The following ABCA10 variants were observed in gnomAD, a reference collection of about 807,000 sequenced individuals.
The protein encoded by ABCA10 is ATP-binding cassette sub-family A member 10.
Under a neutral mutation model 187.5 loss-of-function variants are expected in ABCA10, and 169 were observed. The ratio of observed to expected loss-of-function variants is 0.90; its 90% CI spans 0.80 to 1.02. The LOEUF is 1.02. ABCA10 is among the 50% of genes least tolerant of loss of function. The probability of loss-of-function intolerance (pLI) is 0.00; values close to 1 mark genes in which losing one functional copy is unlikely to be tolerated. For synonymous variants in ABCA10, 574 were observed against 601.8 expected, an observed-to-expected ratio of 0.95 and a Z score of 0.68; for missense variants, 1,727 against 1,812.4, an observed-to-expected ratio of 0.95 and a Z score of 0.86.
chr17:69,177,973 A>AATGTTATATATATATATATATATGTT (rs2074348569), intron 22 of ABCA10, among the ~76,000 whole-genome samples: 1 of 49,980 alleles, frequency 2.0e-5, no homozygotes, highest in African/African-American at 6.1e-5. Flanking sequence ...AAAAAAAAAA[A>AATGTTATATATATATATATATATGTT]ATATATATAT....
intron 5 of ABCA10, among the ~76,000 whole-genome samples, chr17:69,221,474 A>C (rs985749258): frequency 2.0e-5 from 3 of 152,334 alleles, no homozygotes; most frequent in Admixed American, 6.5e-5. Context: ...GCAGAGATTG[A>C]AAAGAGGAGA....
Position 69,196,389 on chromosome 17 carries a change from G to C in ABCA10, c.1234+675C>G, listed in dbSNP as rs537654277. Reference sequence around the variant, plus strand: ...TCCCAGACGGGGTCGCGGCCGGGCAGGGGCGCTCCTCACATCCCAGATGAT... The same window carrying C: ...TCCCAGACGGGGTCGCGGCCGGGCACGGGCGCTCCTCACATCCCAGATGAT... On this transcript the variant is annotated intron_variant, in intron 11 of 38. Coordinates refer to ENST00000690296, the MANE Select transcript of ABCA10 (RefSeq NM_001377321.1). The C allele has an allele frequency of 7.8e-5, 14 of 178,694 alleles. No homozygotes were observed. The East Asian group carries it at 2.5e-3, about 32-fold the overall frequency. The allele number at this position is 178,694 out of a possible 1,614,324, so 11.1% of individuals were successfully genotyped here. A position where few individuals can be genotyped will look rare whatever the true frequency, so the allele number is the denominator to read the frequency against.
chr17:69,197,895 T>C (rs2144812599), intron 10 of ABCA10, among the ~76,000 whole-genome samples: 1 of 152,382 alleles, frequency 6.6e-6, no homozygotes, highest in African/African-American at 2.4e-5. Flanking sequence ...ATTCTAATGA[T>C]TCCCAAATTT....
intron 1 of ABCA10, among the ~76,000 whole-genome samples, chr17:69,241,627 G>A (rs910769273): frequency 6.6e-6 from 1 of 152,098 alleles, no homozygotes; most frequent in Admixed American, 6.5e-5. Flanking sequence ...CTTTGTACTT[G>A]CAGTACCAAC....
In ABCA10 at chr17:69,242,638, A is replaced by AT. The variant is rs535719208; in HGVS notation, c.-593+1890dup. Among the ~76,000 whole-genome samples the AT allele has an allele frequency of 5.4e-3, 821 of 152,098 alleles. 5 individuals carry two copies. Among genetic ancestry groups the AT allele is most frequent in the South Asian group, 9.7e-3 (47 of 4,824 alleles). On this transcript the variant is annotated intron_variant, in intron 1 of 39. Coordinates refer to the ABCA10 transcript ENST00000269081. Reference sequence around the variant, plus strand: ...TGCCACCACACCCAGCTAATTTTATATTTTTAGTAGAGACAGGGTTTCACC... The same window carrying AT: ...TGCCACCACACCCAGCTAATTTTATATTTTTTAGTAGAGACAGGGTTTCACC...
In ABCA10 at chr17:69,155,024, T is replaced by C. The variant is rs2074163000; in HGVS notation, c.3689A>G (p.Lys1230Arg). 1.3e-6 allele frequency: 2 copies of C among 1,584,788 alleles called. No individual in the cohort carries two copies. Among genetic ancestry groups the C allele is most frequent in the Non-Finnish European group, 1.7e-6 (2 of 1,156,638 alleles). The stretch of plus-strand genomic sequence containing the variant: ...AAAGGAACAATTGTTCAAACCTTTT[T>C]TAACACAAAAGGAAACATTTCTGAT... ...IAIRNVSFCV[K>R]KGEVLGLLGH... Residue 1230 changes from lysine to arginine, a missense_variant, in exon 30 of 39, where the codon AAA (lysine) becomes AGA (arginine). Transcript: ENST00000690296.
At chr17:69,199,652 T>C (rs1384668406) in intron 10 of ABCA10, among the ~76,000 whole-genome samples, 1 of 152,208 alleles carries the variant, frequency 6.6e-6, no homozygotes, top group Non-Finnish European at 1.5e-5. Flanking sequence ...CATCAACCAC[T>C]TAGGAGACCT....
chr17:69,232,715 C>G (rs1295818026), upstream of ABCA10, among the ~76,000 whole-genome samples: 1 of 152,110 alleles, frequency 6.6e-6, no homozygotes, highest in Admixed American at 6.6e-5. Flanking sequence ...ATTAGAACTC[C>G]CTTCAGCATT....
intron 22 of ABCA10, among the ~76,000 whole-genome samples, chr17:69,177,973 A>ATATATATATATAGATATGTT (rs68149070): frequency 2.0e-5 from 1 of 49,980 alleles, no homozygotes. Context: ...AAAAAAAAAA[A>ATATATATATATAGATATGTT]ATATATATAT....
At chr17:69,191,391 T>A in intron 16 of ABCA10, 76 bp from the exon 17 acceptor site, 2 of 1,363,324 alleles carry the variant, frequency 1.5e-6, no homozygotes, top group South Asian at 4.0e-5. Flanking sequence ...AGTTTTCTAT[T>A]AAACAGCTTA....
chr17:69,153,847 C>A lies in ABCA10; in HGVS notation c.3949G>T (p.Ala1317Ser). The change falls in exon 32 of 39, where the codon GCT becomes TCT. Residue 1317 changes from alanine (A) to serine (S), a missense_variant. By Grantham distance (99) the Ala-to-Ser change is moderately conservative. Coordinates refer to ENST00000690296, the MANE Select transcript of ABCA10 (RefSeq NM_001377321.1). ...TCTCTGTACCGTGAAATACTGAGAG[C>A]AGCATCTTCTTTGCCCAGTCCTTTC... is the stretch of plus-strand genomic sequence containing the variant. ...AVKGLGKEDA[A>S]LSISRLVEAL... 1.2e-6 allele frequency: 2 copies of A among 1,613,396 alleles called. No homozygotes were observed. Among genetic ancestry groups the A allele is most frequent in the Non-Finnish European group, 1.7e-6 (2 of 1,179,658 alleles).
intron 9 of ABCA10, among the ~76,000 whole-genome samples, chr17:69,208,589 A>G (rs1598115856): frequency 1.3e-5 from 2 of 152,136 alleles, no homozygotes; most frequent in South Asian, 4.1e-4. Flanking sequence ...TTTGTCTGCT[A>G]GGTTCCTGGG....
intron 11 of ABCA10, chr17:69,196,355 C>G (rs569787285): frequency 5.7e-6 from 1 of 175,080 alleles, no homozygotes; most frequent in Non-Finnish European, 1.2e-5. Context: ...GGCAGAGACA[C>G]TCCTCAGTTC....
chr17:69,184,260 C>T (rs1379698066), intron 20 of ABCA10, among the ~76,000 whole-genome samples: 3 of 152,118 alleles, frequency 2.0e-5, no homozygotes, highest in East Asian at 1.9e-4. Context: ...TTTCTCCACC[C>T]GCCCTGGTAA....
chr17:69,244,564 G>T (rs1467608172), exon 1 of ABCA10: 1 of 151,582 alleles, frequency 6.6e-6, no homozygotes, highest in Non-Finnish European at 1.5e-5. Flanking sequence ...TTATTCATCT[G>T]AGAATAAATT....
chr17:69,205,168 A>G lies in ABCA10; in HGVS notation c.1007-3500T>C, dbSNP rs367770723. On this transcript the variant is annotated intron_variant, in intron 9 of 38. Transcript: ENST00000690296. ...TAAATTAGATTTAAAAATACGTATT[A>G]TACCCAAATAAAGGTAAGTGAAATT... Among the ~76,000 whole-genome samples, 27 of 152,318 alleles carry G rather than the reference A, an allele frequency of 1.8e-4. 1 individual carries two copies. The South Asian group carries it at 5.0e-3, about 28-fold the overall frequency.
intron 11 of ABCA10, among the ~76,000 whole-genome samples, chr17:69,195,385 T>C (rs553993025): frequency 4.6e-4 from 70 of 151,776 alleles, no homozygotes; most frequent in African/African-American, 1.5e-3. Flanking sequence ...TATAAATGTA[T>C]ATATACAAAA....
At chr17:69,209,281 C>T (rs189966767) in intron 9 of ABCA10, among the ~76,000 whole-genome samples, 1 of 152,186 alleles carries the variant, frequency 6.6e-6, no homozygotes, top group East Asian at 1.9e-4. Context: ...ATGTATGCTA[C>T]ATGCTGCTCT....
At chr17:69,233,327 T>G (rs182035924), upstream of ABCA10, 1 of 152,320 alleles carries the variant, frequency 6.6e-6, no homozygotes, top group East Asian at 1.9e-4. Flanking sequence ...TTTATTCTAT[T>G]TGATCAGTTC....
Sources: allele counts gnomAD v4.1 joint callset (sites outside exome capture counted in the v4.1 genomes callset), GRCh38; gene constraint gnomAD v4.1.1; transcripts MANE v1.5; gene names NCBI Gene and HGNC (gene_info 2026-07-23, HGNC 2026-07-21).